Variants in GRIN2A observed in about 807,000 individuals in gnomAD.
GRIN2A encodes the protein glutamate receptor ionotropic, NMDA 2A.
A neutral mutation model predicts 113.4 loss-of-function variants in GRIN2A; 22 were observed. The observed-to-expected ratio is 0.19, with a 90% CI of 0.14 to 0.28. The LOEUF (loss-of-function observed/expected upper bound fraction) is 0.28, where lower values mean the gene tolerates loss of function less well. Among genes scored for constraint, GRIN2A ranks in the 10% least tolerant of loss-of-function variants. GRIN2A has a pLI of 1.00. For synonymous variants in GRIN2A, 827 were observed against 738.4 expected (o/e 1.12, Z -1.94); for missense variants, 1,502 against 1,887.0 (o/e 0.80, Z 3.78).
chr16:9,776,037 C>T (rs980561906), intron 11 of GRIN2A, among the ~76,000 whole-genome samples: 1 of 152,202 alleles, frequency 6.6e-6, no homozygotes. Flanking sequence ...CGAGGTTATG[C>T]AGTGACTGGG....
At chr16:9,962,431 C>A (rs986073622) in intron 2 of GRIN2A, among the ~76,000 whole-genome samples, 1 of 152,088 alleles carries the variant, frequency 6.6e-6, no homozygotes, top group Non-Finnish European at 1.5e-5. Context: ...AAACAAACAA[C>A]CCCATCAAAA....
At chr16:10,064,612 T>C (rs1406236996) in intron 2 of GRIN2A, among the ~76,000 whole-genome samples, 1 of 152,246 alleles carries the variant, frequency 6.6e-6, no homozygotes, top group Non-Finnish European at 1.5e-5. Context: ...CCTCTAATGC[T>C]ATTTGAAATG....
rs186919732 is a variant in GRIN2A, at chr16:10,102,703, T to C, written c.414+77295A>G. Among the ~76,000 whole-genome samples, 255 of 152,208 alleles carry C rather than the reference T, an allele frequency of 1.7e-3. 1 individual carries two copies. Among genetic ancestry groups the C allele is most frequent in the African/African-American group, 5.8e-3 (241 of 41,538 alleles). On this transcript the variant is annotated intron_variant, in intron 2 of 12. Coordinates refer to ENST00000330684, the MANE Select transcript of GRIN2A (RefSeq NM_001134407.3). ...CTGGGATTACAGGCATGCACCACCA[T>C]GCCAGGCTGCCTTGGGTGTTTCTTT... is the stretch of plus-strand genomic sequence containing the variant.
At chr16:10,171,739 A>G (rs1070548) in intron 2 of GRIN2A, among the ~76,000 whole-genome samples, 93,901 of 152,088 alleles carry the variant, frequency 0.62, 29,322 homozygotes, top group Non-Finnish European at 0.65. Flanking sequence ...AAATGCAGAC[A>G]CAATAACAAT....
rs183708698 is a variant in GRIN2A, at chr16:10,042,767, A to C, written c.415-104216T>G. ...TGGGATGGAGGCGGCATGGGGAAAC[A>C]TTTACTAACTCACACCTAAGGGGGC... is the stretch of plus-strand genomic sequence containing the variant. On this transcript the variant is annotated intron_variant, in intron 2 of 12. Transcript: ENST00000330684. Among the ~76,000 whole-genome samples, 38 of 152,194 alleles carry C rather than the reference A, an allele frequency of 2.5e-4. No individual in the cohort carries two copies. The East Asian group carries it at 6.9e-3, about 28-fold the overall frequency.
At chr16:10,102,857 C>T (rs2048426450) in intron 2 of GRIN2A, among the ~76,000 whole-genome samples, 1 of 152,174 alleles carries the variant, frequency 6.6e-6, no homozygotes, top group African/African-American at 2.4e-5. Flanking sequence ...CTACATTTAT[C>T]CTCCCTTCCT....
intron 2 of GRIN2A, among the ~76,000 whole-genome samples, chr16:9,969,583 G>A (rs755755967): frequency 6.6e-6 from 1 of 152,116 alleles, no homozygotes; most frequent in African/African-American, 2.4e-5. Context: ...CTCTAAAACT[G>A]ACCTTGTCAT....
intron 2 of GRIN2A, among the ~76,000 whole-genome samples, chr16:10,069,876 T>C (rs8044064): frequency 0.63 from 95,596 of 152,048 alleles, 30,387 homozygotes; most frequent in East Asian, 0.91. Context: ...GGCAGTTAGG[T>C]GGATGGTGAG....
intron 2 of GRIN2A, among the ~76,000 whole-genome samples, chr16:10,118,332 A>C (rs944195247): frequency 6.6e-6 from 1 of 151,328 alleles, no homozygotes; most frequent in Admixed American, 6.6e-5. Flanking sequence ...TGGCTAATAA[A>C]GGGAACTATG....
At chr16:9,881,800 G>C (rs2043486485) in intron 4 of GRIN2A, among the ~76,000 whole-genome samples, 1 of 152,190 alleles carries the variant, frequency 6.6e-6, no homozygotes, top group Non-Finnish European at 1.5e-5. Context: ...TCTAAGCAAA[G>C]AGAGTTGTAA....
At chr16:9,827,032 C>A (rs1034440475) in intron 9 of GRIN2A, among the ~76,000 whole-genome samples, 1 of 152,044 alleles carries the variant, frequency 6.6e-6, no homozygotes, top group Non-Finnish European at 1.5e-5. Context: ...CACTTTTGAT[C>A]CCATAATGCG....
At chr16:9,954,322 G>C (rs1474073792) in intron 2 of GRIN2A, among the ~76,000 whole-genome samples, 3 of 152,184 alleles carry the variant, frequency 2.0e-5, no homozygotes, top group African/African-American at 7.2e-5. Flanking sequence ...CAAAAAGGAA[G>C]TGAAAATTAG....
Position 10,160,106 on chromosome 16 carries a change from G to A in GRIN2A, c.414+19892C>T, listed in dbSNP as rs551799185. Among the ~76,000 whole-genome samples, 4 of 152,352 alleles carry A rather than the reference G, an allele frequency of 2.6e-5. No individual in the cohort carries two copies. In the East Asian group the frequency reaches 7.7e-4, roughly 29 times the overall value. On this transcript the variant is annotated intron_variant, in intron 2 of 12. Coordinates refer to ENST00000330684, the MANE Select transcript of GRIN2A (RefSeq NM_001134407.3). ...CCTCCAGGGCTGTAAGAGGGTAAAAGTGCGTTTCCTTCAGCCACCATGTTT... is the reference window on the plus strand; with the variant it reads ...CCTCCAGGGCTGTAAGAGGGTAAAAATGCGTTTCCTTCAGCCACCATGTTT...
rs185600789 is a variant in GRIN2A at position 10,105,606 on chromosome 16, G to C, written c.414+74392C>G. Among the ~76,000 whole-genome samples, 4 of 152,232 alleles carry C rather than the reference G, an allele frequency of 2.6e-5. No homozygotes were observed. The East Asian group carries it at 7.7e-4, about 29-fold the overall frequency. On this transcript the variant is annotated intron_variant, in intron 2 of 12. Transcript: ENST00000330684. The stretch of plus-strand genomic sequence containing the variant: ...TTTTAATAACATAAGAATTCCCTAT[G>C]AAATTCTAAATAAGGCTGGGCATGG...
At chr16:10,181,072 G>C (rs911667984) in intron 1 of GRIN2A, among the ~76,000 whole-genome samples, 1 of 148,678 alleles carries the variant, frequency 6.7e-6, no homozygotes, top group African/African-American at 2.5e-5. Flanking sequence ...CCAAGTGCTT[G>C]GGAGTGAGGA....
intron 10 of GRIN2A, among the ~76,000 whole-genome samples, chr16:9,808,648 G>T (rs2042027650): frequency 6.6e-6 from 1 of 152,150 alleles, no homozygotes; most frequent in Admixed American, 6.5e-5. Context: ...AGGTCACACA[G>T]CTGGTATTAG....
chr16:10,023,405 C>G lies in GRIN2A; in HGVS notation c.415-84854G>C, dbSNP rs557350993. Among the ~76,000 whole-genome samples the G allele has an allele frequency of 5.3e-5, 8 of 152,234 alleles. No individual in the cohort carries two copies. In the South Asian group the frequency reaches 1.5e-3, roughly 28 times the overall value. On this transcript the variant is annotated intron_variant, in intron 2 of 12. Coordinates refer to ENST00000330684, the MANE Select transcript of GRIN2A (RefSeq NM_001134407.3). ...AGGTGTGGTTTTTACAATGACCCTT[C>G]GAAGTGGGTATTATAATTACAACTT...
chr16:9,911,841 T>C (rs2044145648), intron 3 of GRIN2A, among the ~76,000 whole-genome samples: 1 of 152,218 alleles, frequency 6.6e-6, no homozygotes, highest in Non-Finnish European at 1.5e-5. Flanking sequence ...GAAGTTTCTA[T>C]GACTTATTTA....
intron 2 of GRIN2A, among the ~76,000 whole-genome samples, chr16:10,147,388 C>T (rs1232167947): frequency 1.4e-5 from 2 of 138,450 alleles, no homozygotes; most frequent in Non-Finnish European, 1.5e-5. Context: ...GTAAGCAGAT[C>T]ATTTGAGCTC....
Sources: gnomAD v4.1 joint callset for allele counts (sites outside exome capture counted in the v4.1 genomes callset) on GRCh38, gnomAD v4.1.1 for gene constraint, MANE v1.5 for transcripts, NCBI Gene and HGNC (gene_info 2026-07-23, HGNC 2026-07-21) for gene names.